The following SLC14A2 variants were observed in gnomAD, a reference collection of about 807,000 sequenced individuals.
SLC14A2 encodes solute carrier family 14 member 2.
SLC14A2 carries 91 observed loss-of-function variants against 104.6 expected under a neutral mutation model. That is an observed-to-expected ratio of 0.87 (90% confidence interval 0.73 to 1.04). The LOEUF (loss-of-function observed/expected upper bound fraction) is 1.04, where lower values mean the gene tolerates loss of function less well. Among genes scored for constraint, SLC14A2 ranks in the 50% least tolerant of loss-of-function variants. The pLI is 0.00. For synonymous variants in SLC14A2, 476 were observed against 466.4 expected, an observed-to-expected ratio of 1.02 and a Z score of -0.27; for missense variants, 1,189 against 1,156.0, an observed-to-expected ratio of 1.03 and a Z score of -0.41.
At chr18:45,439,940 G>A (rs558259794) in intron 1 of SLC14A2, among the ~76,000 whole-genome samples, 70 of 152,328 alleles carry the variant, frequency 4.6e-4, no homozygotes, top group Non-Finnish European at 7.8e-4. Flanking sequence ...TTCCTTACAG[G>A]AGAGTAATTC....
At chr18:45,660,930 T>C (rs2045926229) in intron 10 of SLC14A2, among the ~76,000 whole-genome samples, 1 of 152,246 alleles carries the variant, frequency 6.6e-6, no homozygotes, top group Non-Finnish European at 1.5e-5. Context: ...TGGCATCTGT[T>C]CCCCTCTTCC....
intron 1 of SLC14A2, among the ~76,000 whole-genome samples, chr18:45,617,233 G>A (rs1264072715): frequency 2.6e-5 from 4 of 152,166 alleles, no homozygotes; most frequent in East Asian, 3.8e-4. Flanking sequence ...GCCACTGCAG[G>A]CTCCTCAGAG....
intron 1 of SLC14A2, among the ~76,000 whole-genome samples, chr18:45,291,576 C>T (rs1356607864): frequency 1.3e-5 from 2 of 152,120 alleles, no homozygotes; most frequent in Non-Finnish European, 1.5e-5. Flanking sequence ...TCCTCAGAGG[C>T]AAGAGGGGAC....
At chr18:45,439,671 G>C (rs2086652288) in intron 1 of SLC14A2, among the ~76,000 whole-genome samples, 1 of 152,100 alleles carries the variant, frequency 6.6e-6, no homozygotes, top group Non-Finnish European at 1.5e-5. Flanking sequence ...CTGCACTAAG[G>C]AAAAACACGA....
chr18:45,427,784 C>T (rs1294006626), intron 1 of SLC14A2, among the ~76,000 whole-genome samples: 2 of 152,160 alleles, frequency 1.3e-5, no homozygotes, highest in African/African-American at 2.4e-5. Flanking sequence ...ATCAGAGCAT[C>T]CTTGTGTGTG....
intron 1 of SLC14A2, among the ~76,000 whole-genome samples, chr18:45,221,208 C>G (rs1329241501): frequency 2.0e-5 from 3 of 152,200 alleles, no homozygotes; most frequent in African/African-American, 7.2e-5. Context: ...AGAGAAATCA[C>G]TCATGGTCAA....
chr18:45,621,592 C>T (rs1004352539), intron 1 of SLC14A2, among the ~76,000 whole-genome samples: 8 of 152,300 alleles, frequency 5.3e-5, no homozygotes, highest in African/African-American at 1.9e-4. Context: ...CTTCCTCCCC[C>T]CCACCTCTTC....
the SLC14A2 span, among the ~76,000 whole-genome samples, chr18:45,188,019 G>A: frequency 6.6e-6 from 1 of 152,126 alleles, no homozygotes; most frequent in Non-Finnish European, 1.5e-5. Context: ...TGCTAATAGA[G>A]GGTGTTACCT....
intron 1 of SLC14A2, among the ~76,000 whole-genome samples, chr18:45,290,985 A>G (rs1172960490): frequency 1.3e-5 from 2 of 152,168 alleles, no homozygotes; most frequent in Non-Finnish European, 2.9e-5. Context: ...CTTCTTTGAT[A>G]TTTTAGAAAT....
chr18:45,574,131 G>GAATT (rs1375205632), intron 2 of SLC14A2, among the ~76,000 whole-genome samples: 2 of 152,208 alleles, frequency 1.3e-5, no homozygotes, highest in Admixed American at 6.5e-5. Context: ...ATTTGAGACA[G>GAATT]AATTAGTGTC....
At chr18:45,494,907 C>CACAT (rs1328271178) in intron 2 of SLC14A2, among the ~76,000 whole-genome samples, 4 of 57,894 alleles carry the variant, frequency 6.9e-5, no homozygotes, top group African/African-American at 3.1e-4. Context: ...TCATCACACA[C>CACAT]ACACACATAC....
intron 1 of SLC14A2, among the ~76,000 whole-genome samples, chr18:45,415,869 C>T (rs2086271500): frequency 6.6e-6 from 1 of 152,120 alleles, no homozygotes; most frequent in South Asian, 2.1e-4. Flanking sequence ...TACAGCCCAT[C>T]ATTTCTGGGA....
chr18:45,305,247 T>G (rs921479353), intron 1 of SLC14A2, among the ~76,000 whole-genome samples: 1 of 152,214 alleles, frequency 6.6e-6, no homozygotes, highest in Non-Finnish European at 1.5e-5. Flanking sequence ...GGAAGCAGTC[T>G]GAGGTCCCTG....
At chr18:45,300,020 GAGA>G (rs1489565954) in intron 1 of SLC14A2, among the ~76,000 whole-genome samples, 1 of 152,184 alleles carries the variant, frequency 6.6e-6, no homozygotes, top group African/African-American at 2.4e-5. Flanking sequence ...TGGGCAGCAA[GAGA>G]AGGAGCCTCT....
At chr18:45,389,687 G>A in intron 1 of SLC14A2, among the ~76,000 whole-genome samples, 1 of 152,170 alleles carries the variant, frequency 6.6e-6, no homozygotes. Flanking sequence ...GGTGCCAGAG[G>A]CAATATAGGC....
chr18:45,614,481 C>T (rs373748517), upstream of SLC14A2, among the ~76,000 whole-genome samples: 5 of 152,320 alleles, frequency 3.3e-5, no homozygotes, highest in East Asian at 9.7e-4. Flanking sequence ...TTGCACTCTG[C>T]ACCTGGAAGA....
At chr18:45,521,081 C>A (rs904709422) in intron 2 of SLC14A2, among the ~76,000 whole-genome samples, 5 of 152,150 alleles carry the variant, frequency 3.3e-5, no homozygotes, top group Non-Finnish European at 5.9e-5. Flanking sequence ...GGAAACATGA[C>A]CTGCACCTCC....
intron 2 of SLC14A2, among the ~76,000 whole-genome samples, chr18:45,560,607 C>A (rs560065627): frequency 6.6e-6 from 1 of 152,214 alleles, no homozygotes; most frequent in East Asian, 1.9e-4. Context: ...TATATGAAGC[C>A]CCTATGGAGG....
intron 1 of SLC14A2, among the ~76,000 whole-genome samples, chr18:45,276,700 T>C (rs1333968166): frequency 6.6e-6 from 1 of 152,238 alleles, no homozygotes; most frequent in Admixed American, 6.5e-5. Flanking sequence ...TAAGCACAGA[T>C]TGGTGACATA....
Sources: allele counts gnomAD v4.1 joint callset (sites outside exome capture counted in the v4.1 genomes callset), GRCh38; gene constraint gnomAD v4.1.1; transcripts MANE v1.5; gene names NCBI Gene and HGNC (gene_info 2026-07-23, HGNC 2026-07-21).